ALPL: variants seen among roughly 807,000 people sequenced by gnomAD.
ALPL encodes the protein alkaline phosphatase, tissue-nonspecific isozyme.
Under a neutral mutation model 51.3 loss-of-function variants are expected in ALPL, and 42 were observed. The ratio of observed to expected loss-of-function variants is 0.82; its 90% CI spans 0.64 to 1.06. The LOEUF is 1.06. Ranked by LOEUF, ALPL falls within the 50% of genes least tolerant of loss-of-function variation. ALPL has a pLI of 0.00. For synonymous variants in ALPL, 279 were observed against 296.4 expected, an observed-to-expected ratio of 0.94 and a Z score of 0.60; for missense variants, 589 against 709.4, an observed-to-expected ratio of 0.83 and a Z score of 1.93.
chr1:21,510,824 G>A (rs576639187), intron 1 of ALPL, among the ~76,000 whole-genome samples: 5 of 152,258 alleles, frequency 3.3e-5, no homozygotes, highest in African/African-American at 1.2e-4. Flanking sequence ...TCCTGCCCCA[G>A]CCATCCCACT....
intron 2 of ALPL, among the ~76,000 whole-genome samples, chr1:21,558,658 C>T (rs1644444579): frequency 6.6e-6 from 1 of 152,186 alleles, no homozygotes; most frequent in Non-Finnish European, 1.5e-5. Context: ...AATTGATGCC[C>T]TCAGCAGACA....
intron 1 of ALPL, among the ~76,000 whole-genome samples, chr1:21,545,046 T>G (rs769683829): frequency 2.6e-5 from 4 of 151,980 alleles, no homozygotes; most frequent in Non-Finnish European, 4.4e-5. Flanking sequence ...CGAGACCAAA[T>G]AAGTACATTT....
intron 1 of ALPL, among the ~76,000 whole-genome samples, chr1:21,518,359 A>G (rs950085220): frequency 1.3e-5 from 2 of 152,168 alleles, no homozygotes; most frequent in Non-Finnish European, 2.9e-5. Flanking sequence ...AATGCTTTGT[A>G]TACATTTACA....
intron 2 of ALPL, among the ~76,000 whole-genome samples, chr1:21,555,087 G>T (rs913617356): frequency 6.6e-6 from 1 of 151,464 alleles, no homozygotes; most frequent in Non-Finnish European, 1.5e-5. Flanking sequence ...TATGGGTGGG[G>T]CCGTTTTATA....
At chr1:21,576,114 CG>C (rs971054860) in intron 10 of ALPL, among the ~76,000 whole-genome samples, 190 bp downstream of exon 10, 1 of 151,742 alleles carries the variant, frequency 6.6e-6, no homozygotes, top group African/African-American at 2.4e-5. Flanking sequence ...GAGTGGTGGT[CG>C]GGTAGACAGG....
intron 1 of ALPL, among the ~76,000 whole-genome samples, chr1:21,521,427 C>T (rs770902504): frequency 3.5e-4 from 53 of 152,168 alleles, no homozygotes; most frequent in African/African-American, 6.8e-4. Context: ...TCAGGTGATC[C>T]ACTTGCCTTG....
intron 1 of ALPL, among the ~76,000 whole-genome samples, chr1:21,514,099 T>C (rs1643745394): frequency 6.6e-6 from 1 of 152,196 alleles, no homozygotes; most frequent in Non-Finnish European, 1.5e-5. Context: ...CCCTCTTCCA[T>C]AGCCTGGCAA....
Position 21,523,999 on chromosome 1 carries a change from C to CTTT in ALPL, c.-105+14502_-105+14504dup, listed in dbSNP as rs10571494. Among the ~76,000 whole-genome samples the CTTT allele has an allele frequency of 5.5e-4, 52 of 94,556 alleles. 1 individual carries two copies. Among genetic ancestry groups the CTTT allele is most frequent in the African/African-American group, 7.4e-4 (18 of 24,208 alleles). The allele number at this position is 94,556 out of a possible 152,430, so 62.0% of individuals were successfully genotyped here. On this transcript the variant is annotated intron_variant, in intron 1 of 11. Coordinates refer to ENST00000374840, the MANE Select transcript of ALPL (RefSeq NM_000478.6). ...CAAAGGGTAGATACTCAAATCTCTGCTTTTTTTTTTTTTTTTTTTTTTGAC... is the reference window on the plus strand; with the variant it reads ...CAAAGGGTAGATACTCAAATCTCTGCTTTTTTTTTTTTTTTTTTTTTTTTTGAC...
At chr1:21,577,309 G>A (rs1644750703) in intron 11 of ALPL, 74 bp from the exon 12 acceptor site, 3 of 1,607,080 alleles carry the variant, frequency 1.9e-6, no homozygotes, top group African/African-American at 2.7e-5. Flanking sequence ...CAGCCTGGAA[G>A]GGAGATGGAA....
At chr1:21,515,992 C>T (rs1035133906) in intron 1 of ALPL, among the ~76,000 whole-genome samples, 11 of 152,142 alleles carry the variant, frequency 7.2e-5, no homozygotes, top group Non-Finnish European at 8.8e-5. Flanking sequence ...AATCCTCCTA[C>T]CCCAACCTCT....
chr1:21,524,680 C>G (rs1046756537), intron 1 of ALPL, among the ~76,000 whole-genome samples: 1 of 152,154 alleles, frequency 6.6e-6, no homozygotes, highest in South Asian at 2.1e-4. Flanking sequence ...GTACACTCTT[C>G]TTGAACCTGC....
chr1:21,540,133 G>T (rs1644163583), intron 1 of ALPL, among the ~76,000 whole-genome samples: 1 of 152,150 alleles, frequency 6.6e-6, no homozygotes, highest in South Asian at 2.1e-4. Context: ...TGGCATCTAG[G>T]CTTGGCACAG....
At chr1:21,553,129 G>A (rs1203671054) in intron 1 of ALPL, among the ~76,000 whole-genome samples, 2 of 122,832 alleles carry the variant, frequency 1.6e-5, no homozygotes, top group Non-Finnish European at 3.3e-5. Context: ...CACAGTTAAT[G>A]TTTTGGTGTA....
chr1:21,557,343 G>A (rs1288242703), intron 2 of ALPL, among the ~76,000 whole-genome samples: 1 of 152,194 alleles, frequency 6.6e-6, no homozygotes, highest in African/African-American at 2.4e-5. Context: ...TAGGACGGCT[G>A]TATTTCAGCA....
intron 1 of ALPL, among the ~76,000 whole-genome samples, chr1:21,524,245 G>T (rs1643913793): frequency 6.6e-6 from 1 of 152,008 alleles, no homozygotes; most frequent in Admixed American, 6.5e-5. Flanking sequence ...CTCATGATCT[G>T]CCCGCCTCAG....
intron 1 of ALPL, among the ~76,000 whole-genome samples, chr1:21,514,878 T>G (rs1643764155): frequency 6.6e-6 from 1 of 152,102 alleles, no homozygotes; most frequent in African/African-American, 2.4e-5. Context: ...TTAAGGAGAC[T>G]GAGGCTCAGA....
rs1192250014 is a variant in ALPL, at chr1:21,577,455, T to C, written c.1382T>C (p.Val461Ala). The C allele has an allele frequency of 1.2e-6, 2 of 1,611,466 alleles. No individual in the cohort carries two copies. The highest frequency in any genetic ancestry group is 1.7e-6 in the Non-Finnish European group (2 of 1,179,922). ...ACCCACGGCGGGGAGGACGTGGCCG[T>C]CTTCTCCAAGGGCCCCATGGCGCAC... ...HETHGGEDVA[V>A]FSKGPMAHLL... The change falls in exon 12 of 12, where the codon GTC (valine) becomes GCC (alanine). Residue 461 changes from valine (V) to alanine (A), a missense_variant. By Grantham distance (64) the Val-to-Ala change is moderately conservative. Transcript: ENST00000374840.
At chr1:21,558,490 C>T (rs1644442336) in intron 2 of ALPL, among the ~76,000 whole-genome samples, 2 of 152,246 alleles carry the variant, frequency 1.3e-5, no homozygotes, top group Admixed American at 1.3e-4. Flanking sequence ...CTGGCCCCGG[C>T]CTTGCCCAGA....
At chr1:21,556,371 T>TTTACAGGTATGGTACA (rs1244277496) in intron 2 of ALPL, among the ~76,000 whole-genome samples, 1 of 152,184 alleles carries the variant, frequency 6.6e-6, no homozygotes, top group Non-Finnish European at 1.5e-5. Flanking sequence ...CCTGGTATGG[T>TTTACAGGTATGGTACA]GGCTCACGCC....
Sources: allele counts gnomAD v4.1 joint callset (sites outside exome capture counted in the v4.1 genomes callset), GRCh38; gene constraint gnomAD v4.1.1; transcripts MANE v1.5; gene names NCBI Gene and HGNC (gene_info 2026-07-23, HGNC 2026-07-21).